Variants in FBXW7 observed in about 807,000 individuals in gnomAD.
FBXW7 encodes the protein F-box/WD repeat-containing protein 7.
FBXW7 carries 11 observed loss-of-function variants against 86.3 expected under a neutral mutation model. The observed-to-expected ratio is 0.13, with a 90% CI of 0.08 to 0.21. The LOEUF (loss-of-function observed/expected upper bound fraction) is 0.21. FBXW7 is among the 10% of genes least tolerant of loss of function. The pLI, the probability that FBXW7 is intolerant of heterozygous loss-of-function variation, is 1.00. For synonymous variants in FBXW7, 313 were observed against 297.9 expected (o/e 1.05, Z -0.52); for missense variants, 488 against 847.4 (o/e 0.58, Z 5.27).
chr4:152,478,433 T>C (rs1415062285), intron 2 of FBXW7, among the ~76,000 whole-genome samples: 1 of 152,170 alleles, frequency 6.6e-6, no homozygotes, highest in Non-Finnish European at 1.5e-5. Flanking sequence ...AATATTCTAC[T>C]ATATGTATAA....
intron 2 of FBXW7, among the ~76,000 whole-genome samples, chr4:152,416,871 C>T (rs573727567): frequency 2.0e-5 from 3 of 152,224 alleles, no homozygotes; most frequent in South Asian, 2.1e-4. Flanking sequence ...CTGTGTGATA[C>T]GCCACCACCT....
At chr4:152,344,341 T>C (rs1423490820) in intron 6 of FBXW7, among the ~76,000 whole-genome samples, 2 of 152,154 alleles carry the variant, frequency 1.3e-5, no homozygotes, top group African/African-American at 4.8e-5. Flanking sequence ...GATCTACCTG[T>C]CCAGTTGACC....
intron 2 of FBXW7, among the ~76,000 whole-genome samples, chr4:152,497,861 C>T (rs1746509695): frequency 6.6e-6 from 1 of 152,218 alleles, no homozygotes; most frequent in Non-Finnish European, 1.5e-5. Flanking sequence ...CTCTATAAAA[C>T]TTAGCATTAT....
At chr4:152,463,595 A>C (rs76825899) in intron 2 of FBXW7, among the ~76,000 whole-genome samples, 2,085 of 152,330 alleles carry the variant, frequency 0.014, 26 homozygotes, top group Middle Eastern at 0.037. Context: ...ATAAGGAGTT[A>C]GTTCATGATT....
At chr4:152,453,979 A>T (rs80120139) in intron 2 of FBXW7, among the ~76,000 whole-genome samples, 2,524 of 152,240 alleles carry the variant, frequency 0.017, 46 homozygotes, top group Non-Finnish European at 0.026. Context: ...AATTCCAGAC[A>T]TCACGTCATT....
chr4:152,472,009 TA>T (rs1171082658), intron 2 of FBXW7, among the ~76,000 whole-genome samples: 1 of 152,110 alleles, frequency 6.6e-6, no homozygotes, highest in Non-Finnish European at 1.5e-5. Flanking sequence ...ACCCAAAATA[TA>T]TTCTTTAAAA....
At chr4:152,450,594 A>G (rs1291493241) in intron 2 of FBXW7, among the ~76,000 whole-genome samples, 1 of 152,214 alleles carries the variant, frequency 6.6e-6, no homozygotes, top group Non-Finnish European at 1.5e-5. Flanking sequence ...AGTAGTAATG[A>G]AAAAATTAAT....
intron 2 of FBXW7, among the ~76,000 whole-genome samples, chr4:152,500,884 A>G (rs560830582): frequency 6.6e-6 from 1 of 152,362 alleles, no homozygotes; most frequent in South Asian, 2.1e-4. Flanking sequence ...ATTAAGCAAC[A>G]TAAGATTTCT....
At chr4:152,510,177 C>A (rs1319536133) in intron 2 of FBXW7, among the ~76,000 whole-genome samples, 1 of 152,158 alleles carries the variant, frequency 6.6e-6, no homozygotes, top group Non-Finnish European at 1.5e-5. Context: ...ACACATCTCA[C>A]CATTTTGGTA....
chr4:152,514,536 G>A (rs1336194556), intron 2 of FBXW7, among the ~76,000 whole-genome samples: 1 of 152,156 alleles, frequency 6.6e-6, no homozygotes, highest in Non-Finnish European at 1.5e-5. Context: ...AATGTTGAGG[G>A]TGGGGCACAG....
intron 2 of FBXW7, among the ~76,000 whole-genome samples, chr4:152,534,616 T>G (rs1005552247): frequency 6.6e-6 from 1 of 152,022 alleles, no homozygotes; most frequent in African/African-American, 2.4e-5. Flanking sequence ...CAGGAAAAGG[T>G]TACAGATACA....
At chr4:152,424,709 T>G (rs1454781283) in intron 2 of FBXW7, among the ~76,000 whole-genome samples, 1 of 152,200 alleles carries the variant, frequency 6.6e-6, no homozygotes, top group Non-Finnish European at 1.5e-5. Context: ...ATTCATAAGT[T>G]ACAAATCACT....
chr4:152,533,796 G>A (rs1212372895), intron 2 of FBXW7, among the ~76,000 whole-genome samples: 3 of 152,100 alleles, frequency 2.0e-5, no homozygotes, highest in East Asian at 1.9e-4. Flanking sequence ...TTAAAAAAAA[G>A]GACCAAACAT....
Position 152,330,804 on chromosome 4 carries a change from T to G in FBXW7, c.1050A>C (p.Pro350=). 1 of 1,612,768 alleles carries G rather than the reference T, an allele frequency of 6.2e-7. No individual in the cohort carries two copies. The highest frequency in any genetic ancestry group is 8.5e-7 in the Non-Finnish European group (1 of 1,179,004). Residue 350 remains proline (P), a synonymous_variant, in exon 9 of 14, where the codon CCA becomes CCC. Transcript: ENST00000281708. The part of the protein sequence containing the change: ...KVIKPGFIHS[P]WKSAYIRQHR... ...GCTGTCTGATGTATGCACTTTTCCA[T>G]GGACTGTGTATGAAACCTGGTTTTA...
chr4:152,500,496 C>CAAA (rs34375454), intron 2 of FBXW7, among the ~76,000 whole-genome samples: 2,189 of 71,882 alleles, frequency 0.03, 80 homozygotes, highest in African/African-American at 0.068. Flanking sequence ...GCTTTGTCAG[C>CAAA]AAAAAAAAAA....
chr4:152,384,487 T>C (rs765919138), intron 4 of FBXW7, among the ~76,000 whole-genome samples: 1 of 152,002 alleles, frequency 6.6e-6, no homozygotes, highest in Non-Finnish European at 1.5e-5. Flanking sequence ...TTTGCATAGA[T>C]AGAAAACAGA....
At chr4:152,473,047 C>CT (rs1293880419) in intron 2 of FBXW7, among the ~76,000 whole-genome samples, 1 of 152,072 alleles carries the variant, frequency 6.6e-6, no homozygotes, top group African/African-American at 2.4e-5. Context: ...AATGCCCAGC[C>CT]TGGCAACATA....
At chr4:152,361,866 T>C (rs1210312116) in intron 4 of FBXW7, among the ~76,000 whole-genome samples, 2 of 146,334 alleles carry the variant, frequency 1.4e-5, no homozygotes, top group African/African-American at 5.1e-5. Context: ...CTTGGGAGGC[T>C]AAGGCAGGAG....
rs144306993 is a variant in FBXW7, at chr4:152,329,708, G to A, written c.1200C>T (p.Asp400=). 9.3e-4 allele frequency: 1,471 copies of A among 1,583,446 alleles called. 12 individuals are homozygous for A. The highest frequency in any genetic ancestry group is 8.2e-3 in the South Asian group (707 of 86,380). The stretch of plus-strand genomic sequence containing the variant: ...CTGCTGACCAAACTTTTAAAGTGTT[G>A]TCATCAGAACCACTAACTATTCGGT... The part of the protein sequence containing the change: ...CGNRIVSGSD[D]NTLKVWSAVT... The change falls in exon 10 of 14, where the codon GAC becomes GAT. Residue 400 remains aspartate, a synonymous_variant. Transcript: ENST00000281708.
Sources: gnomAD v4.1 joint callset for allele counts (sites outside exome capture counted in the v4.1 genomes callset) on GRCh38, gnomAD v4.1.1 for gene constraint, MANE v1.5 for transcripts, NCBI Gene and HGNC (gene_info 2026-07-23, HGNC 2026-07-21) for gene names.